The following RAPGEF3 variants were observed in gnomAD, a reference collection of about 807,000 sequenced individuals.
The protein encoded by RAPGEF3 is Rap guanine nucleotide exchange factor 3.
In RAPGEF3, 103 loss-of-function variants were observed where a neutral mutation model predicts 129.8. The observed-to-expected ratio is 0.79, with a 90% CI of 0.68 to 0.93. RAPGEF3 has a LOEUF of 0.93. Among genes scored for constraint, RAPGEF3 ranks in the 40% least tolerant of loss-of-function variants. The pLI is 0.00. For missense variants in RAPGEF3, 1,117 were observed against 1,207.4 expected, an observed-to-expected ratio of 0.93 and a Z score of 1.11; for synonymous variants, 436 against 482.6, an observed-to-expected ratio of 0.90 and a Z score of 1.26.
chr12:47,757,853 G>A lies in RAPGEF3; in HGVS notation c.219+13C>T. On this transcript the variant is annotated intron_variant, in intron 2 of 27. Coordinates refer to ENST00000449771, the MANE Select transcript of RAPGEF3 (RefSeq NM_001098531.4). ...TACTGGCCCTGGCACCTGGGCAGGTGAAAGGTACTCACCCAGCGCAGCCCC... is the reference window on the plus strand; with the variant it reads ...TACTGGCCCTGGCACCTGGGCAGGTAAAAGGTACTCACCCAGCGCAGCCCC... 1 of 1,549,670 alleles carries A rather than the reference G, an allele frequency of 6.5e-7. No individual in the cohort carries two copies. The highest frequency in any genetic ancestry group is 8.7e-7 in the Non-Finnish European group (1 of 1,146,916).
At chr12:47,742,467 G>C (rs1941220666) in intron 18 of RAPGEF3, among the ~76,000 whole-genome samples, 1 of 152,154 alleles carries the variant, frequency 6.6e-6, no homozygotes, top group South Asian at 2.1e-4. Context: ...ACTTCCTGAA[G>C]GGAGAAGGCT....
Position 47,738,729 on chromosome 12 carries a change from G to A in RAPGEF3, c.2487C>T (p.Asn829=), listed in dbSNP as rs200115309. ...LKDMTFIHEG[N]HTLVENLINF... is the part of the protein sequence containing the mutation. The stretch of plus-strand genomic sequence containing the variant: ...TGATGAGATTCTCCACTAGTGTGTG[G>A]TTTCCCTCATGAATGAAGGTCATGT... Residue 829 remains asparagine, a synonymous_variant, in exon 25 of 28, where the codon AAC becomes AAT. Transcript: ENST00000449771. 7.3e-5 allele frequency: 117 copies of A among 1,611,180 alleles called. No individual in the cohort carries two copies. The highest frequency in any genetic ancestry group is 9.4e-5 in the Non-Finnish European group (111 of 1,177,368).
At chr12:47,741,069 G>A (rs759555168) in intron 19 of RAPGEF3, 29 bp from the exon 20 acceptor site, 4 of 1,607,704 alleles carry the variant, frequency 2.5e-6, no homozygotes, top group East Asian at 4.5e-5. Context: ...TCAGGGGGCT[G>A]CCTGAGGAAT....
At chr12:47,738,924 GC>G in intron 24 of RAPGEF3, 170 bp from the exon 25 acceptor site, 2 of 724,756 alleles carry the variant, frequency 2.8e-6, no homozygotes, top group East Asian at 5.2e-5. Context: ...GGCCCTGAAG[GC>G]AGCCCGTATT....
Position 47,746,946 on chromosome 12 carries a change from G to T in RAPGEF3, c.1557-47C>A, listed in dbSNP as rs370748349. 7 of 1,564,652 alleles carry T rather than the reference G, an allele frequency of 4.5e-6. No homozygotes were observed. The African/African-American group carries it at 6.9e-5, about 15-fold the overall frequency. ...GGTGAGTGAGCCCAGGTATCCCTGGGGCTGCAGCAGGGAGGCCCTTGGGGC... is the reference window on the plus strand; with the variant it reads ...GGTGAGTGAGCCCAGGTATCCCTGGTGCTGCAGCAGGGAGGCCCTTGGGGC... On this transcript the variant is annotated intron_variant, in intron 15 of 27. Coordinates refer to ENST00000449771, the MANE Select transcript of RAPGEF3 (RefSeq NM_001098531.4).
intron 16 of RAPGEF3, chr12:47,744,837 A>G (rs958902692): frequency 1.3e-5 from 2 of 152,002 alleles, no homozygotes; most frequent in Non-Finnish European, 2.9e-5. Flanking sequence ...AATCTCAGGG[A>G]CCCCTGCAGA....
intron 21 of RAPGEF3, 74 bp downstream of exon 21, chr12:47,740,568 A>T: frequency 6.4e-7 from 1 of 1,563,564 alleles, no homozygotes; most frequent in Non-Finnish European, 8.7e-7. Context: ...CAACATACTA[A>T]GCAAAGAGGG....
chr12:47,756,111 C>T (rs1942037021), intron 2 of RAPGEF3: 1 of 152,256 alleles, frequency 6.6e-6, no homozygotes, highest in Admixed American at 6.5e-5. Flanking sequence ...CCTTTGACCC[C>T]ATTTACACTC....
chr12:47,752,030 A>G (rs1592569009), intron 2 of RAPGEF3, 61 bp from the exon 3 acceptor site: 2 of 1,555,292 alleles, frequency 1.3e-6, no homozygotes, highest in Non-Finnish European at 1.8e-6. Context: ...GCTCTTGGAT[A>G]CCTCCCCTCC....
chr12:47,758,529 A>G, intron 1 of RAPGEF3, 22 bp downstream of exon 1: 2 of 1,612,316 alleles, frequency 1.2e-6, no homozygotes, highest in Non-Finnish European at 8.5e-7. Flanking sequence ...CTCCTCCTCA[A>G]CCCTGACCCC....
intron 2 of RAPGEF3, 124 bp downstream of exon 2, chr12:47,757,742 G>C (rs536547017): frequency 6.6e-6 from 6 of 907,426 alleles, no homozygotes; most frequent in Non-Finnish European, 9.9e-6. Flanking sequence ...CAGTGTCCAC[G>C]GCAGCTGTAC....
chr12:47,751,436 G>C lies in RAPGEF3; in HGVS notation c.465C>G (p.Ile155Met), dbSNP rs148663057. Residue 155 changes from isoleucine (I) to methionine (M), a missense_variant, in exon 5 of 28, where the codon ATC becomes ATG. Transcript: ENST00000449771. ...CACCTTCATCCAGCAGCACCTGGCA[G>C]ATTCCCACAACTTGGCTCCGGGAAT... ...GVHSRSQVVG[I>M]CQVLLDEGAL... 14 of 1,614,082 alleles carry C rather than the reference G, an allele frequency of 8.7e-6. No homozygotes were observed. The African/African-American group carries it at 1.5e-4, about 17-fold the overall frequency.
rs772039036 is a variant in RAPGEF3, at chr12:47,758,599, G to T, written c.-43C>A. 13 of 1,612,690 alleles carry T rather than the reference G, an allele frequency of 8.1e-6. No homozygotes were observed. Among genetic ancestry groups the T allele is most frequent in the Non-Finnish European group, 1.1e-5 (13 of 1,179,358 alleles). ...CACAGCCGTGCAGGCTCTAGCAAAAGGCTGGGGGGTCCCCAGCGACCCCCA... is the reference window on the plus strand; with the variant it reads ...CACAGCCGTGCAGGCTCTAGCAAAATGCTGGGGGGTCCCCAGCGACCCCCA... On this transcript the variant is annotated 5_prime_UTR_variant, in exon 1 of 28. Transcript: ENST00000449771.
At position 47,736,848 on chromosome 12, in the gene RAPGEF3, C is replaced by G. The variant is rs971507035; in HGVS notation, c.*719G>C. The G allele has an allele frequency of 1.3e-5, 2 of 152,388 alleles. No individual in the cohort carries two copies. Among genetic ancestry groups the G allele is most frequent in the African/African-American group, 4.8e-5 (2 of 41,470 alleles). 9.4% of individuals were successfully genotyped at this position (152,388 alleles called of 1,614,324 possible). ...TGCTGACAGGGGCTCCAGGCTCCAGCCCGCCCTTTGGCCAGAGCCCTGGAG... is the reference window on the plus strand; with the variant it reads ...TGCTGACAGGGGCTCCAGGCTCCAGGCCGCCCTTTGGCCAGAGCCCTGGAG... On this transcript the variant is annotated 3_prime_UTR_variant, in exon 28 of 28. Transcript: ENST00000449771.
At chr12:47,750,546 G>A in intron 6 of RAPGEF3, 121 bp from the exon 7 acceptor site, 1 of 828,788 alleles carries the variant, frequency 1.2e-6, no homozygotes, top group Non-Finnish European at 1.9e-6. Flanking sequence ...ACAGTTATCA[G>A]CAGCAGCTAA....
Position 47,758,052 on chromosome 12 carries a change from C to T in RAPGEF3, c.33G>A (p.Trp11Ter). ...TATCCTCCACAGCCAGGCCCACCTG[C>T]CAGCAGCTCTCACCTGGCCAGCCCA... is the stretch of plus-strand genomic sequence containing the variant. Reference protein sequence around the residue: MKVGWPGESCWQVGLAVEDSP... With the variant: MKVGWPGESC The change falls in exon 2 of 28, where the codon TGG (tryptophan) becomes TGA (stop). Residue 11 changes from tryptophan (W) to a stop codon, truncating the protein, a stop_gained. Transcript: ENST00000449771. LOFTEE classifies it high-confidence loss of function. The T allele has an allele frequency of 6.4e-7, 1 of 1,572,080 alleles. No homozygotes were observed. The highest frequency in any genetic ancestry group is 8.6e-7 in the Non-Finnish European group (1 of 1,158,440).
intron 2 of RAPGEF3, chr12:47,752,959 C>T (rs531625135): frequency 1.3e-5 from 2 of 152,310 alleles, no homozygotes; most frequent in African/African-American, 4.8e-5. Flanking sequence ...GAATAATGGC[C>T]ATGAAAGCCC....
In RAPGEF3 at chr12:47,751,114, G is replaced by T; in HGVS notation, c.605C>A (p.Ala202Asp). The part of the protein sequence containing the change: ...VRTHEMEEEL[A>D]EAVALLSQRG... ...CTGGGAGAGCAGGGCCACAGCTTCGGCCAACTCCTCCTCCATCTCATGAGT... is the reference window on the plus strand; with the variant it reads ...CTGGGAGAGCAGGGCCACAGCTTCGTCCAACTCCTCCTCCATCTCATGAGT... Residue 202 changes from alanine to aspartate, a missense_variant, in exon 6 of 28, where the codon GCC (alanine) becomes GAC (aspartate). Transcript: ENST00000449771. The T allele has an allele frequency of 6.3e-7, 1 of 1,581,198 alleles. No individual in the cohort carries two copies. The highest frequency in any genetic ancestry group is 8.6e-7 in the Non-Finnish European group (1 of 1,164,256).
chr12:47,751,246 G>A (rs1941724482), intron 5 of RAPGEF3, 30 bp from the exon 6 acceptor site: 1 of 1,546,384 alleles, frequency 6.5e-7, no homozygotes, highest in East Asian at 2.4e-5. Flanking sequence ...GCGTGGGGGA[G>A]GAGAGGAAAT....
Sources: allele counts gnomAD v4.1 joint callset (sites outside exome capture counted in the v4.1 genomes callset), GRCh38; gene constraint gnomAD v4.1.1; transcripts MANE v1.5; gene names NCBI Gene and HGNC (gene_info 2026-07-23, HGNC 2026-07-21).